HOMER2: variants seen among roughly 807,000 people sequenced by gnomAD.
HOMER2 encodes the protein homer scaffold protein 2.
Under a neutral mutation model 47.0 loss-of-function variants are expected in HOMER2, and 27 were observed. The ratio of observed to expected loss-of-function variants is 0.57; its 90% confidence interval spans 0.42 to 0.79. The LOEUF (loss-of-function observed/expected upper bound fraction) is 0.79. Among genes scored for constraint, HOMER2 ranks in the 30% least tolerant of loss-of-function variants. The pLI is 0.00. For synonymous variants in HOMER2, 161 were observed against 163.8 expected (o/e 0.98, Z 0.13); for missense variants, 443 against 435.0 (o/e 1.02, Z -0.16).
At chr15:82,976,598 T>C (rs1027578511) in intron 1 of HOMER2, among the ~76,000 whole-genome samples, 4 of 151,372 alleles carry the variant, frequency 2.6e-5, no homozygotes, top group Non-Finnish European at 4.4e-5. Context: ...CACTATTTTA[T>C]ATACTGCATA....
chr15:82,924,013 C>T (rs1222129163), intron 1 of HOMER2, among the ~76,000 whole-genome samples: 4 of 152,094 alleles, frequency 2.6e-5, no homozygotes, highest in South Asian at 2.1e-4. Context: ...GAGAGAGAGG[C>T]GTGCAGACAT....
At chr15:82,898,934 C>T (rs778766130) in intron 1 of HOMER2, among the ~76,000 whole-genome samples, 8 of 152,174 alleles carry the variant, frequency 5.3e-5, no homozygotes, top group Non-Finnish European at 1.0e-4. Context: ...TACAGTATTA[C>T]AAAGTCTTGT....
rs552487899 is a variant in HOMER2 at position 82,967,364 on chromosome 15, G to A, written n.83-8056C>T. ...GGAATAATTTTTTAGGTATGATAACGTAAGTTTTAAAAAAAAAGAGCTCTT... is the reference window on the plus strand; with the variant it reads ...GGAATAATTTTTTAGGTATGATAACATAAGTTTTAAAAAAAAAGAGCTCTT... On this transcript the variant is annotated intron_variant and non_coding_transcript_variant, in intron 1 of 1. Transcript: ENST00000500334. Among the ~76,000 whole-genome samples, 310 of 152,144 alleles carry A rather than the reference G, an allele frequency of 2.0e-3. 3 individuals carry two copies. The highest frequency in any genetic ancestry group is 3.2e-3 in the Non-Finnish European group (219 of 68,004).
At chr15:82,840,467 T>A (rs568726865) in exon 2 of HOMER2, 2 of 152,162 alleles carry the variant, frequency 1.3e-5, no homozygotes, top group African/African-American at 2.4e-5. Flanking sequence ...ATTCACTTAA[T>A]TAAAAAAAAT....
In HOMER2 at chr15:82,892,776, C is replaced by G; in HGVS notation, c.71G>C (p.Trp24Ser). Reference protein sequence around the residue: ...FQIDPNTKKNWMPASKQAVTV... With the variant: ...FQIDPNTKKNSMPASKQAVTV... Reference sequence around the variant, plus strand: ...GACCGCCTGCTTGCTCGCAGGCATCCAGTTCTTCTTGGTGTTGGGGTCAAT... The same window carrying G: ...GACCGCCTGCTTGCTCGCAGGCATCGAGTTCTTCTTGGTGTTGGGGTCAAT... The change falls in exon 2 of 9, where the codon TGG becomes TCG. Residue 24 changes from tryptophan (W) to serine (S), a missense_variant. Transcript: ENST00000450735. 6.2e-7 allele frequency: 1 copy of G among 1,606,676 alleles called. No homozygotes were observed. The highest frequency in any genetic ancestry group is 8.5e-7 in the Non-Finnish European group (1 of 1,174,916).
chr15:82,859,616 G>A (rs192118458), intron 4 of HOMER2, among the ~76,000 whole-genome samples: 29 of 152,328 alleles, frequency 1.9e-4, no homozygotes, highest in Admixed American at 1.0e-3. Context: ...TTGGGGCTAT[G>A]GAGAGTTAGA....
At chr15:82,907,658 T>C (rs1036059544) in intron 1 of HOMER2, among the ~76,000 whole-genome samples, 1 of 152,086 alleles carries the variant, frequency 6.6e-6, no homozygotes, top group Non-Finnish European at 1.5e-5. Context: ...AGACTATTGA[T>C]CCAAGAAGAG....
At chr15:82,844,408 T>A (rs1347460527), downstream of HOMER2, 1 of 152,128 alleles carries the variant, frequency 6.6e-6, no homozygotes, top group Admixed American at 6.5e-5. Flanking sequence ...ACAACCTACA[T>A]AGAGGTTAAA....
chr15:82,849,953 A>T, intron 8 of HOMER2, 50 bp from the exon 9 acceptor site: 4 of 1,576,498 alleles, frequency 2.5e-6, no homozygotes, highest in Non-Finnish European at 3.5e-6. Flanking sequence ...GACGAGAGTC[A>T]TCCTTCAAAA....
intron 1 of HOMER2, among the ~76,000 whole-genome samples, chr15:82,893,043 A>G (rs1202907050): frequency 6.6e-6 from 1 of 152,190 alleles, no homozygotes; most frequent in Non-Finnish European, 1.5e-5. Context: ...CATTCCACTT[A>G]GCTGTTATCC....
rs1331915179 is a variant in HOMER2 at position 82,950,363 on chromosome 15, T to C, written c.5+2168A>G. Among the ~76,000 whole-genome samples the C allele has an allele frequency of 3.9e-5, 6 of 152,116 alleles. No homozygotes were observed. The East Asian group carries it at 9.7e-4, about 24-fold the overall frequency. On this transcript the variant is annotated intron_variant, in intron 1 of 8. Transcript: ENST00000450735. ...CAAGTTGGGGGGAGGTAAACTCAGATAGTTTGTTTTTTTTTCCCTTAAATC... is the reference window on the plus strand; with the variant it reads ...CAAGTTGGGGGGAGGTAAACTCAGACAGTTTGTTTTTTTTTCCCTTAAATC...
chr15:82,979,034 T>C (rs2030303230), intron 1 of HOMER2, among the ~76,000 whole-genome samples: 1 of 152,244 alleles, frequency 6.6e-6, no homozygotes, highest in Non-Finnish European at 1.5e-5. Flanking sequence ...CTGACAGTTT[T>C]ATAAGGGGCT....
intron 2 of HOMER2, among the ~76,000 whole-genome samples, chr15:82,891,673 G>C (rs2052710316): frequency 6.6e-6 from 1 of 152,168 alleles, no homozygotes; most frequent in Non-Finnish European, 1.5e-5. Context: ...GCAAAAGTCA[G>C]ACTAGACTGC....
chr15:82,906,677 G>A (rs544279376), intron 1 of HOMER2, among the ~76,000 whole-genome samples: 4 of 152,100 alleles, frequency 2.6e-5, no homozygotes, highest in Admixed American at 2.0e-4. Context: ...CAAATGATCC[G>A]CCCACCTTGG....
At chr15:82,855,338 A>AAAAG (rs1305041315) in intron 5 of HOMER2, among the ~76,000 whole-genome samples, 5 of 150,136 alleles carry the variant, frequency 3.3e-5, no homozygotes, top group East Asian at 3.9e-4. Flanking sequence ...AAAAAAAAAA[A>AAAAG]AAAAAAAAAA....
chr15:82,957,852 A>G (rs1276418241), downstream of HOMER2, among the ~76,000 whole-genome samples: 1 of 151,988 alleles, frequency 6.6e-6, no homozygotes, highest in Non-Finnish European at 1.5e-5. Flanking sequence ...TTATTTATTT[A>G]TTTAAGACGG....
At chr15:82,918,319 G>A (rs1487603826) in intron 1 of HOMER2, among the ~76,000 whole-genome samples, 2 of 152,174 alleles carry the variant, frequency 1.3e-5, no homozygotes, top group African/African-American at 2.4e-5. Context: ...GGGTTCAGGT[G>A]TCACAGCCAG....
intron 1 of HOMER2, among the ~76,000 whole-genome samples, chr15:82,948,707 A>C (rs1299593895): frequency 6.6e-6 from 1 of 152,256 alleles, no homozygotes; most frequent in Admixed American, 6.5e-5. Context: ...CAGGCAGGGG[A>C]AACAGCAAGT....
chr15:82,954,890 T>C (rs544095141), upstream of HOMER2, among the ~76,000 whole-genome samples: 1 of 151,662 alleles, frequency 6.6e-6, no homozygotes, highest in African/African-American at 2.4e-5. Context: ...GCGATTCTCC[T>C]GCCTCAGCCT....
Sources: gnomAD v4.1 joint callset for allele counts (sites outside exome capture counted in the v4.1 genomes callset) on GRCh38, gnomAD v4.1.1 for gene constraint, MANE v1.5 for transcripts, NCBI Gene and HGNC (gene_info 2026-07-23, HGNC 2026-07-21) for gene names.